DNAH6: variants seen among roughly 807,000 people sequenced by gnomAD.
DNAH6 encodes the protein axonemal beta dynein heavy chain 6.
A neutral mutation model predicts 491.4 loss-of-function variants in DNAH6; 340 were observed. The observed-to-expected ratio is 0.69, with a 90% CI of 0.63 to 0.76. The LOEUF is 0.76. Among genes scored for constraint, DNAH6 ranks in the 30% least tolerant of loss-of-function variants. The pLI is 0.00. For synonymous variants in DNAH6, 1,603 were observed against 1,686.1 expected (o/e 0.95, Z 1.21); for missense variants, 4,443 against 4,972.2 (o/e 0.89, Z 3.20).
chr2:84,544,374 T>C lies in DNAH6; in HGVS notation c.804T>C (p.Thr268=), dbSNP rs1231777117. Residue 268 remains threonine, a synonymous_variant, in exon 5 of 77, where the codon ACT becomes ACC. Transcript: ENST00000389394. ...EQEYLYHREL[T]KIPIFSLFRK... Reference sequence around the variant, plus strand: ...AATATCTGTATCACAGAGAACTCACTAAGATTCCCATATTTTCACTGTTCC... The same window carrying C: ...AATATCTGTATCACAGAGAACTCACCAAGATTCCCATATTTTCACTGTTCC... The C allele has an allele frequency of 6.5e-7, 1 of 1,545,966 alleles. No individual in the cohort carries two copies. The highest frequency in any genetic ancestry group is 8.8e-7 in the Non-Finnish European group (1 of 1,142,092).
At chr2:84,584,584 T>A (rs1180911424) in intron 15 of DNAH6, 20 of 222,632 alleles carry the variant, frequency 9.0e-5, no homozygotes, top group Non-Finnish European at 3.6e-5. Flanking sequence ...TTTCAAAATC[T>A]CTGTTTAAGT....
At chr2:84,653,100 G>T (rs1690605527) in intron 33 of DNAH6, among the ~76,000 whole-genome samples, 1 of 151,956 alleles carries the variant, frequency 6.6e-6, no homozygotes, top group African/African-American at 2.4e-5. Flanking sequence ...ATATACTTAG[G>T]AACATTGGTC....
chr2:84,677,813 G>C (rs1453826981), intron 41 of DNAH6, among the ~76,000 whole-genome samples: 1 of 152,200 alleles, frequency 6.6e-6, no homozygotes, highest in Non-Finnish European at 1.5e-5. Flanking sequence ...GAGATTGTGA[G>C]CTGAGTCTTG....
At chr2:84,562,889 G>A (rs563542810) in intron 11 of DNAH6, among the ~76,000 whole-genome samples, 5 of 152,252 alleles carry the variant, frequency 3.3e-5, no homozygotes, top group South Asian at 4.2e-4. Flanking sequence ...TGGTTTCACC[G>A]TGTTCCACCC....
At chr2:84,515,107 T>C (rs930246740), upstream of DNAH6, among the ~76,000 whole-genome samples, 1 of 152,246 alleles carries the variant, frequency 6.6e-6, no homozygotes, top group African/African-American at 2.4e-5. Context: ...ATTATAACTT[T>C]ATGCTTCGAT....
rs1683827749 is a variant in DNAH6, at chr2:84,588,929, A to G, written c.2585A>G (p.Tyr862Cys). 1.3e-6 allele frequency: 2 copies of G among 1,548,726 alleles called. No homozygotes were observed. Among genetic ancestry groups the G allele is most frequent in the Non-Finnish European group, 1.7e-6 (2 of 1,146,104 alleles). ...LADLQKRAFQ[Y>C]KSYQKNFKVE... ...GATCTTCAGAAACGTGCATTTCAGT[A>G]TAAGTCCTATCAGAAGAATTTTAAG... is the stretch of plus-strand genomic sequence containing the variant. Residue 862 changes from tyrosine to cysteine, a missense_variant, in exon 16 of 77, where the codon TAT (tyrosine) becomes TGT (cysteine). By Grantham distance (194) the Tyr-to-Cys change is radical. Transcript: ENST00000389394.
chr2:84,524,827 A>G lies in DNAH6; in HGVS notation c.226-738A>G, dbSNP rs114432974. On this transcript the variant is annotated intron_variant, in intron 2 of 76. Coordinates refer to ENST00000389394, the MANE Select transcript of DNAH6 (RefSeq NM_001370.2). ...ACTTGTGATCCTGTTCTCTATTCCT[A>G]TTTAGCACTATTACATAACTTAGCT... Among the ~76,000 whole-genome samples the G allele has an allele frequency of 9.0e-3, 1,374 of 152,108 alleles. 19 individuals are homozygous for G. The highest frequency in any genetic ancestry group is 0.048 in the Middle Eastern group (14 of 294).
chr2:84,652,007 A>G (rs1212251725), intron 33 of DNAH6, among the ~76,000 whole-genome samples: 1 of 151,886 alleles, frequency 6.6e-6, no homozygotes, highest in East Asian at 1.9e-4. Flanking sequence ...ACTTTGAGAC[A>G]TAATAAACCT....
At chr2:84,712,990 TATTC>T in intron 56 of DNAH6, 101 bp from the exon 57 acceptor site, 1 of 942,996 alleles carries the variant, frequency 1.1e-6, no homozygotes, top group East Asian at 2.6e-5. Flanking sequence ...ACTGGAAAAT[TATTC>T]ATTCACAGTA....
chr2:84,462,073 T>C, the DNAH6 span, among the ~76,000 whole-genome samples: 1 of 152,200 alleles, frequency 6.6e-6, no homozygotes. Context: ...TATTCCTAAA[T>C]AATATAGCTA....
intron 70 of DNAH6, among the ~76,000 whole-genome samples, chr2:84,800,341 A>G (rs1444949268): frequency 6.6e-6 from 1 of 152,256 alleles, no homozygotes; most frequent in Non-Finnish European, 1.5e-5. Flanking sequence ...CTTCAGCAAT[A>G]CAAAAAGCCA....
intron 37 of DNAH6, among the ~76,000 whole-genome samples, chr2:84,668,190 G>A (rs920870698): frequency 2.6e-5 from 4 of 152,100 alleles, no homozygotes; most frequent in Non-Finnish European, 4.4e-5. Flanking sequence ...GTATACATAC[G>A]TAATAAACTT....
At chr2:84,471,941 G>A in the DNAH6 span, among the ~76,000 whole-genome samples, 2 of 152,180 alleles carry the variant, frequency 1.3e-5, no homozygotes, top group South Asian at 4.2e-4. Context: ...TCAGATGTTT[G>A]GTGGGCACCC....
At chr2:84,811,326 A>G in intron 72 of DNAH6, among the ~76,000 whole-genome samples, 1 of 152,190 alleles carries the variant, frequency 6.6e-6, no homozygotes, top group East Asian at 1.9e-4. Flanking sequence ...TTCCCAATAT[A>G]TGGCAGTTTT....
intron 16 of DNAH6, among the ~76,000 whole-genome samples, chr2:84,590,498 CAAAAA>C (rs35787415): frequency 1.0e-5 from 1 of 97,942 alleles, no homozygotes; most frequent in African/African-American, 4.0e-5. Flanking sequence ...GGCTCCATTT[CAAAAA>C]AAAAAAAAAA....
intron 54 of DNAH6, 151 bp from the exon 55 acceptor site, chr2:84,709,192 G>A: frequency 1.3e-6 from 1 of 742,426 alleles, no homozygotes; most frequent in East Asian, 2.7e-5. Context: ...TCTACTTCCT[G>A]TGTCCCATGC....
intron 63 of DNAH6, among the ~76,000 whole-genome samples, chr2:84,757,435 C>T (rs1674146424): frequency 2.0e-5 from 3 of 152,160 alleles, no homozygotes; most frequent in African/African-American, 7.2e-5. Flanking sequence ...TGCACAAAAG[C>T]TAAAGCTGAA....
chr2:84,688,634 A>G (rs759454492), intron 45 of DNAH6, 41 bp downstream of exon 45: 3 of 1,461,616 alleles, frequency 2.1e-6, no homozygotes, highest in Non-Finnish European at 2.7e-6. Context: ...TTGATTTAAT[A>G]TTTTTTGTAT....
intron 42 of DNAH6, 47 bp from the exon 43 acceptor site, chr2:84,685,279 A>G: frequency 7.5e-7 from 1 of 1,341,212 alleles, no homozygotes; most frequent in Non-Finnish European, 9.9e-7. Context: ...TGGAGATTCT[A>G]CAAATGTAGA....
Sources: allele counts gnomAD v4.1 joint callset (sites outside exome capture counted in the v4.1 genomes callset), GRCh38; gene constraint gnomAD v4.1.1; transcripts MANE v1.5; gene names NCBI Gene and HGNC (gene_info 2026-07-23, HGNC 2026-07-21).